Variants in CHST12 observed in about 807,000 individuals in gnomAD.
The protein encoded by CHST12 is carbohydrate (chondroitin 4) sulfotransferase 12.
A neutral mutation model predicts 27.9 loss-of-function variants in CHST12; 23 were observed. The ratio of observed to expected loss-of-function variants is 0.82; its 90% CI spans 0.59 to 1.17. The LOEUF (loss-of-function observed/expected upper bound fraction) is 1.17, where lower values mean the gene tolerates loss of function less well. CHST12 is among the 50% of genes most tolerant of loss of function. The pLI is 0.00. For missense variants in CHST12, 682 were observed against 603.0 expected, an observed-to-expected ratio of 1.13 and a Z score of -1.37; for synonymous variants, 322 against 273.0, an observed-to-expected ratio of 1.18 and a Z score of -1.77.
chr7:2,410,347 G>A (rs556686283), intron 1 of CHST12, among the ~76,000 whole-genome samples: 1 of 152,208 alleles, frequency 6.6e-6, no homozygotes, highest in East Asian at 1.9e-4. Context: ...GGATTAACTG[G>A]TGTATATGAG....
Position 2,434,607 on chromosome 7 carries a change from AAAAAAAAAAT to A in CHST12, c.*724_*733del. ...AAAAAAAAAAAAAAAAAAAAAAAAA[AAAAAAAAAAT>A]GAGTCGGGTGTGGTGGTGTGCACCT... is the stretch of plus-strand genomic sequence containing the variant. On this transcript the variant is annotated 3_prime_UTR_variant, in exon 2 of 2. Coordinates refer to ENST00000618655, the MANE Select transcript of CHST12 (RefSeq NM_018641.5). 6.6e-6 allele frequency: 1 copy of A among 151,350 alleles called. No individual in the cohort carries two copies. Among genetic ancestry groups the A allele is most frequent in the African/African-American group, 2.6e-5 (1 of 38,266 alleles). The allele number at this position is 151,350 out of a possible 1,614,324, so 9.4% of individuals were successfully genotyped here.
At chr7:2,423,468 C>T (rs1048362754) in intron 1 of CHST12, among the ~76,000 whole-genome samples, 3 of 152,010 alleles carry the variant, frequency 2.0e-5, no homozygotes, top group African/African-American at 7.2e-5. Context: ...AGCAGCAGGC[C>T]CTCTGATGCT....
rs1459973870 is a variant in CHST12 at position 2,439,658 on chromosome 7, T to A, written c.*5774T>A. ...ACTTTGGGAGGCCGAGGTGGGTGGA[T>A]CACGAGGTCAGGAGATCAAGACCAT... is the stretch of plus-strand genomic sequence containing the variant. On this transcript the variant is annotated 3_prime_UTR_variant, in exon 2 of 2. Coordinates refer to ENST00000618655, the MANE Select transcript of CHST12 (RefSeq NM_018641.5). The A allele has an allele frequency of 6.6e-6, 1 of 151,798 alleles. No homozygotes were observed. Among genetic ancestry groups the A allele is most frequent in the East Asian group, 2.0e-4 (1 of 5,012 alleles). 9.4% of individuals were successfully genotyped at this position (151,798 alleles called of 1,614,324 possible).
rs1450695771 is a variant in CHST12, at chr7:2,434,780, A to C, written c.*896A>C. On this transcript the variant is annotated 3_prime_UTR_variant, in exon 2 of 2. Coordinates refer to ENST00000618655, the MANE Select transcript of CHST12 (RefSeq NM_018641.5). ...AGATTCCATCTCAAAATAAATAAAT[A>C]AATATTAATACATTATGGCTATTAA... is the stretch of plus-strand genomic sequence containing the variant. 1 of 151,708 alleles carries C rather than the reference A, an allele frequency of 6.6e-6. No homozygotes were observed. The highest frequency in any genetic ancestry group is 1.5e-5 in the Non-Finnish European group (1 of 68,054). 9.4% of individuals were successfully genotyped at this position (151,708 alleles called of 1,614,324 possible). A position where few individuals can be genotyped will look rare whatever the true frequency, so the allele number is the denominator to read the frequency against.
chr7:2,408,940 C>T (rs1781594813), intron 1 of CHST12, among the ~76,000 whole-genome samples: 1 of 152,300 alleles, frequency 6.6e-6, no homozygotes. Flanking sequence ...ATTAGCAGGA[C>T]ACCTGACATG....
intron 1 of CHST12, among the ~76,000 whole-genome samples, chr7:2,412,056 C>T (rs1057424020): frequency 2.0e-5 from 3 of 152,256 alleles, no homozygotes; most frequent in South Asian, 2.1e-4. Context: ...GCTCTAGGAC[C>T]GGCTCTGCAG....
At chr7:2,417,000 C>T (rs1272763507) in intron 1 of CHST12, among the ~76,000 whole-genome samples, 1 of 152,162 alleles carries the variant, frequency 6.6e-6, no homozygotes, top group Non-Finnish European at 1.5e-5. Context: ...GCTTAACTTT[C>T]CCTTTAGCTT....
rs1040697422 is a variant in CHST12, at chr7:2,433,795, C to G, written c.1156C>G (p.Leu386Val). The change falls in exon 2 of 2, where the codon CTG becomes GTG. Residue 386 changes from leucine (L) to valine (V), a missense_variant. Transcript: ENST00000618655. The surrounding 1 kb of genome is among the most constrained non-coding windows in gnomAD (Gnocchi z 6.1). ...GGAGGACTGGTTCGCCAAGATCCCCCTGGCCTGGAGGCAGCAGCTGTATAA... is the reference window on the plus strand; with the variant it reads ...GGAGGACTGGTTCGCCAAGATCCCCGTGGCCTGGAGGCAGCAGCTGTATAA... ...WEEDWFAKIP[L>V]AWRQQLYKLY... 2 of 1,614,046 alleles carry G rather than the reference C, an allele frequency of 1.2e-6. No individual in the cohort carries two copies. Among genetic ancestry groups the G allele is most frequent in the East Asian group, 2.2e-5 (1 of 44,890 alleles).
intron 1 of CHST12, among the ~76,000 whole-genome samples, chr7:2,418,794 G>C (rs905683620): frequency 1.1e-5 from 1 of 93,710 alleles, no homozygotes; most frequent in Non-Finnish European, 2.2e-5. Flanking sequence ...TTCTGTTGCT[G>C]TTGTTGTTGT....
chr7:2,403,815 G>C (rs1388880009), intron 1 of CHST12, 142 bp downstream of exon 1: 1 of 152,520 alleles, frequency 6.6e-6, no homozygotes, highest in Non-Finnish European at 1.5e-5. Flanking sequence ...TGGCGGGCGC[G>C]GCTTGGGCCT....
In CHST12 at chr7:2,433,876, C is replaced by G. The variant is rs764621507; in HGVS notation, c.1237C>G (p.Arg413Gly). ...FGYPKPENLL[R>G]D is the part of the protein sequence containing the mutation. ...CTACCCCAAGCCCGAAAACCTCCTC[C>G]GAGACTGAAAGCTTTCGCGTTGCTT... The change falls in exon 2 of 2, where the codon CGA becomes GGA. Residue 413 changes from arginine (R) to glycine (G), a missense_variant. Physicochemically the swap from Arg to Gly is moderately radical, Grantham distance 125. Coordinates refer to ENST00000618655, the MANE Select transcript of CHST12 (RefSeq NM_018641.5). This position sits in a 1 kb window ranked among gnomAD's most constrained non-coding sequence, Gnocchi z 6.1. 4 of 1,566,792 alleles carry G rather than the reference C, an allele frequency of 2.6e-6. No individual in the cohort carries two copies. The highest frequency in any genetic ancestry group is 3.9e-5 in the Admixed American group (2 of 51,648).
chr7:2,407,450 AAAAAT>A (rs1244775182), intron 1 of CHST12, among the ~76,000 whole-genome samples: 5 of 152,150 alleles, frequency 3.3e-5, no homozygotes, highest in African/African-American at 9.7e-5. Context: ...CCCATCTCTA[AAAAAT>A]AAAATAAAAT....
chr7:2,405,745 G>A (rs549175899), intron 1 of CHST12, among the ~76,000 whole-genome samples: 4 of 152,284 alleles, frequency 2.6e-5, no homozygotes, highest in African/African-American at 9.6e-5. Flanking sequence ...GGGCAGCCGG[G>A]ACTTCTCACC....
rs1430278569 is a variant in CHST12 at position 2,432,683 on chromosome 7, C to T, written c.44C>T (p.Ser15Leu). 2.5e-6 allele frequency: 4 copies of T among 1,613,114 alleles called. No homozygotes were observed. The South Asian group carries it at 4.4e-5, about 18-fold the overall frequency. ...TTCCGGCTGTGGCTGGTGCTGGGGT[C>T]GGTGTTCATGATCCTGCTGATCATC... ...RLFRLWLVLG[S>L]VFMILLIIVY... The change falls in exon 2 of 2, where the codon TCG (serine) becomes TTG (leucine). Residue 15 changes from serine (S) to leucine (L), a missense_variant. Coordinates refer to ENST00000618655, the MANE Select transcript of CHST12 (RefSeq NM_018641.5).
At chr7:2,420,145 T>C (rs1240295661) in intron 1 of CHST12, among the ~76,000 whole-genome samples, 1 of 151,730 alleles carries the variant, frequency 6.6e-6, no homozygotes, top group Non-Finnish European at 1.5e-5. Flanking sequence ...GGCTAATTTT[T>C]TGTATTTTTA....
At chr7:2,424,737 C>G (rs1242179086) in intron 1 of CHST12, among the ~76,000 whole-genome samples, 2 of 152,220 alleles carry the variant, frequency 1.3e-5, no homozygotes, top group Non-Finnish European at 2.9e-5. Context: ...TCCCCCTCCT[C>G]TGTGACAGCC....
At chr7:2,421,500 G>A (rs897520980) in intron 1 of CHST12, among the ~76,000 whole-genome samples, 12 of 149,554 alleles carry the variant, frequency 8.0e-5, no homozygotes, top group African/African-American at 2.2e-4. Context: ...GCGGTGACGC[G>A]ATCTTGGCTC....
intron 1 of CHST12, among the ~76,000 whole-genome samples, chr7:2,407,201 G>T (rs1197681752): frequency 6.6e-6 from 1 of 152,166 alleles, no homozygotes; most frequent in Non-Finnish European, 1.5e-5. Flanking sequence ...AATAGTAAGA[G>T]CTTCAAAGCT....
At chr7:2,419,268 G>A (rs1301087815) in intron 1 of CHST12, among the ~76,000 whole-genome samples, 1 of 152,000 alleles carries the variant, frequency 6.6e-6, no homozygotes, top group Non-Finnish European at 1.5e-5. Flanking sequence ...AATTAGCCAG[G>A]CGTGGTGGTG....
Sources: allele counts gnomAD v4.1 joint callset (sites outside exome capture counted in the v4.1 genomes callset), GRCh38; gene constraint gnomAD v4.1.1; non-coding constraint Gnocchi (gnomAD v3.1); transcripts MANE v1.5; gene names NCBI Gene and HGNC (gene_info 2026-07-23, HGNC 2026-07-21).